Variants in KIF4A observed in about 807,000 individuals in gnomAD.
KIF4A encodes kinesin family member 4A.
Under a neutral mutation model 105.9 loss-of-function variants are expected in KIF4A, and 7 were observed. That is an observed-to-expected ratio of 0.07 (90% confidence interval 0.04 to 0.12). KIF4A has a LOEUF of 0.12. Ranked by LOEUF, KIF4A falls within the 10% of genes least tolerant of loss-of-function variation. The pLI, the probability that KIF4A is intolerant of heterozygous loss-of-function variation, is 1.00. For synonymous variants in KIF4A, 281 were observed against 331.3 expected (o/e 0.85, Z 1.65); for missense variants, 558 against 929.2 (o/e 0.60, Z 5.19).
chrX:70,304,244 C>T (rs1300981187), intron 7 of KIF4A, among the ~76,000 whole-genome samples: 23 of 104,042 alleles, frequency 2.2e-4, no homozygotes, highest in Non-Finnish European at 4.5e-4. Context: ...CCAATTTCAT[C>T]CATGTCCCTA....
At position 70,376,096 on chromosome X, in the gene KIF4A, A is replaced by G. The variant is rs753472057; in HGVS notation, c.1924-4A>G. 4 of 1,179,117 alleles carry G rather than the reference A, an allele frequency of 3.4e-6. No homozygotes were observed. The highest frequency in any genetic ancestry group is 4.6e-6 in the Non-Finnish European group (4 of 870,361). ...AATACTTTTGCTGGTTTTTGTTTTTATAGATGATGAAAAACCAGCGGGTAC... is the reference window on the plus strand; with the variant it reads ...AATACTTTTGCTGGTTTTTGTTTTTGTAGATGATGAAAAACCAGCGGGTAC... On this transcript the variant is annotated splice_polypyrimidine_tract_variant and splice_region_variant and intron_variant, in intron 17 of 30. Transcript: ENST00000374403.
chrX:70,368,234 G>A (rs2086113740), intron 15 of KIF4A, among the ~76,000 whole-genome samples: 1 of 111,817 alleles, frequency 8.9e-6, no homozygotes, highest in South Asian at 3.7e-4. Context: ...ATCGTCTGAA[G>A]CCTTCTCTCA....
chrX:70,296,549 A>G (rs912655349), intron 3 of KIF4A, among the ~76,000 whole-genome samples: 31 of 112,652 alleles, frequency 2.8e-4, no homozygotes, highest in Non-Finnish European at 5.4e-4. Flanking sequence ...GTAAAAAGCA[A>G]TGTTGTTTCC....
At chrX:70,419,530 G>A (rs983924715) in intron 29 of KIF4A, 131 bp from the exon 30 acceptor site, 4 of 747,163 alleles carry the variant, frequency 5.4e-6, no homozygotes, top group African/African-American at 2.1e-5. Context: ...CCCAAGCAGG[G>A]CCTCCCTAAG....
At chrX:70,317,544 CTTTTTT>C (rs34377717) in intron 7 of KIF4A, among the ~76,000 whole-genome samples, 1 of 69,422 alleles carries the variant, frequency 1.4e-5, no homozygotes, top group Non-Finnish European at 2.5e-5. Flanking sequence ...ATTCCCTTGC[CTTTTTT>C]TTTTTTTTTT....
At chrX:70,364,942 T>C (rs1483269589) in intron 15 of KIF4A, among the ~76,000 whole-genome samples, 1 of 111,615 alleles carries the variant, frequency 9.0e-6, no homozygotes, top group Non-Finnish European at 1.9e-5. Context: ...TAGTTCTCCT[T>C]GAAGAGGTCC....
At chrX:70,388,227 C>A (rs1475645553) in intron 20 of KIF4A, among the ~76,000 whole-genome samples, 1 of 111,533 alleles carries the variant, frequency 9.0e-6, no homozygotes, top group African/African-American at 3.3e-5. Context: ...TATACAACTT[C>A]TTTCCTTTTT....
At chrX:70,296,893 AG>A (rs1402615345) in intron 3 of KIF4A, 104 bp from the exon 4 acceptor site, 4 of 895,358 alleles carry the variant, frequency 4.5e-6, no homozygotes, top group Non-Finnish European at 6.3e-6. Context: ...CTGTATTAAG[AG>A]AGCAATCTCA....
intron 20 of KIF4A, among the ~76,000 whole-genome samples, chrX:70,394,274 G>C (rs1368722223): frequency 2.8e-5 from 3 of 108,701 alleles, no homozygotes; most frequent in African/African-American, 1.0e-4. Context: ...CGTGACCATA[G>C]TTCACTGTAA....
At chrX:70,417,161 A>G (rs2086347568) in intron 28 of KIF4A, among the ~76,000 whole-genome samples, 1 of 112,772 alleles carries the variant, frequency 8.9e-6, no homozygotes, top group African/African-American at 3.2e-5. Context: ...GCCTTGCATT[A>G]TTATGCTATC....
At chrX:70,322,038 G>A (rs978382746) in intron 7 of KIF4A, among the ~76,000 whole-genome samples, 4 of 109,650 alleles carry the variant, frequency 3.6e-5, no homozygotes, top group African/African-American at 1.3e-4. Flanking sequence ...CTTTGTCCTG[G>A]GATATTTTCT....
At position 70,396,003 on chromosome X, in the gene KIF4A, T is replaced by C. The variant is rs776414350; in HGVS notation, c.2443T>C (p.Ser815Pro). The change falls in exon 22 of 31, where the codon TCT (serine) becomes CCT (proline). Residue 815 changes from serine (S) to proline (P), a missense_variant. Coordinates refer to ENST00000374403, the MANE Select transcript of KIF4A (RefSeq NM_012310.5). The stretch of plus-strand genomic sequence containing the variant: ...TGGTCAAGTTTCGGAGTCAGAAGAT[T>C]CTATTACAAAGCAGATTGAAAGCCT... Reference protein sequence around the residue: ...VRGQVSESEDSITKQIESLET... With the variant: ...VRGQVSESEDPITKQIESLET... 4.1e-6 allele frequency: 5 copies of C among 1,208,716 alleles called. No homozygotes were observed. The highest frequency in any genetic ancestry group is 2.3e-4 in the Middle Eastern group (1 of 4,349).
At chrX:70,393,684 C>T (rs1300968693) in intron 20 of KIF4A, among the ~76,000 whole-genome samples, 4 of 107,788 alleles carry the variant, frequency 3.7e-5, no homozygotes, top group African/African-American at 1.3e-4. Context: ...TACTGTAGCC[C>T]CTCCAACTTT....
In KIF4A at chrX:70,379,173, G is replaced by A. The variant is rs778413126; in HGVS notation, c.2034+2963G>A. The stretch of plus-strand genomic sequence containing the variant: ...GCGAGACTCCATCTCAAAAAAAAAA[G>A]AAAAGAAAAAAGAAAAAAAAGAAAG... On this transcript the variant is annotated intron_variant, in intron 18 of 30. Coordinates refer to ENST00000374403, the MANE Select transcript of KIF4A (RefSeq NM_012310.5). Among the ~76,000 whole-genome samples, 112 of 105,098 alleles carry A rather than the reference G, an allele frequency of 1.1e-3. 1 individual carries two copies. The highest frequency in any genetic ancestry group is 2.1e-3 in the Admixed American group (21 of 9,772). 91.3% of individuals were successfully genotyped at this position (105,098 alleles called of 115,157 possible).
chrX:70,362,487 C>A, intron 15 of KIF4A: 1 of 127,344 alleles, frequency 7.9e-6, no homozygotes, highest in Non-Finnish European at 1.6e-5. Context: ...CCCATGGCAT[C>A]TAGTCCTTTT....
Position 70,366,560 on chromosome X carries a change from A to G in KIF4A, c.1675-7591A>G, listed in dbSNP as rs1178184154. 3.6e-5 allele frequency among the ~76,000 whole-genome samples: 4 copies of G among 111,875 alleles called. No individual in the cohort carries two copies. In the East Asian group the frequency reaches 1.1e-3, roughly 31 times the overall value. ...TTGTTCAGTTTCCATGTAGTTGAGC[A>G]GTTTTGAGTTTCTTAATCCTGAGTT... is the stretch of plus-strand genomic sequence containing the variant. On this transcript the variant is annotated intron_variant, in intron 15 of 30. Transcript: ENST00000374403.
intron 15 of KIF4A, among the ~76,000 whole-genome samples, chrX:70,360,383 G>A (rs757250364): frequency 1.8e-5 from 2 of 112,233 alleles, no homozygotes; most frequent in Non-Finnish European, 3.8e-5. Context: ...GTGCTGGGGG[G>A]TGGGAGGATA....
chrX:70,388,370 C>T (rs2086225653), intron 20 of KIF4A, among the ~76,000 whole-genome samples: 1 of 111,281 alleles, frequency 9.0e-6, no homozygotes, highest in East Asian at 2.8e-4. Context: ...GTGCACAAGC[C>T]TGTGTGGATT....
At chrX:70,325,479 C>T (rs1305568398) in intron 7 of KIF4A, among the ~76,000 whole-genome samples, 2 of 111,010 alleles carry the variant, frequency 1.8e-5, no homozygotes, top group African/African-American at 3.3e-5. Flanking sequence ...GATTTTGCCA[C>T]GTTGCCCACA....
Sources: allele counts gnomAD v4.1 joint callset (sites outside exome capture counted in the v4.1 genomes callset), GRCh38; gene constraint gnomAD v4.1.1; transcripts MANE v1.5; gene names NCBI Gene and HGNC (gene_info 2026-07-23, HGNC 2026-07-21).